The following NCAM1 variants were observed in gnomAD, a reference collection of about 807,000 sequenced individuals.
NCAM1 encodes antigen recognized by monoclonal antibody 5.1H11.
A neutral mutation model predicts 109.8 loss-of-function variants in NCAM1; 14 were observed. The observed-to-expected ratio is 0.13, with a 90% CI of 0.08 to 0.20. The LOEUF (loss-of-function observed/expected upper bound fraction) is 0.20, where lower values mean the gene tolerates loss of function less well. Ranked by LOEUF, NCAM1 falls within the 10% of genes least tolerant of loss-of-function variation. The probability of loss-of-function intolerance (pLI) is 1.00; values close to 1 mark genes in which losing one functional copy is unlikely to be tolerated. For synonymous variants in NCAM1, 418 were observed against 442.9 expected (o/e 0.94, Z 0.70); for missense variants, 774 against 1,109.9 (o/e 0.70, Z 4.30).
chr11:113,275,613 T>C lies in NCAM1; in HGVS notation c.*226T>C. The C allele has an allele frequency of 2.2e-6, 1 of 459,492 alleles. No individual in the cohort carries two copies. 28.5% of individuals were successfully genotyped at this position (459,492 alleles called of 1,614,324 possible). On this transcript the variant is annotated 3_prime_UTR_variant, in exon 20 of 20. Coordinates refer to ENST00000316851, the MANE Select transcript of NCAM1 (RefSeq NM_181351.5). ...TAGAAAGGGTCCCTTTGTTGCACACTCACTTGTAAGAAAATGAGACAAAAA... is the reference window on the plus strand; with the variant it reads ...TAGAAAGGGTCCCTTTGTTGCACACCCACTTGTAAGAAAATGAGACAAAAA...
At chr11:112,981,155 C>T (rs1951145154) in intron 1 of NCAM1, among the ~76,000 whole-genome samples, 1 of 151,826 alleles carries the variant, frequency 6.6e-6, no homozygotes, top group Non-Finnish European at 1.5e-5. Context: ...TCAATCTCTT[C>T]TCCTCATCTC....
chr11:113,063,976 A>C (rs1555083826), intron 1 of NCAM1, among the ~76,000 whole-genome samples: 28 of 152,214 alleles, frequency 1.8e-4, no homozygotes, highest in Non-Finnish European at 1.5e-5. Context: ...TTTCTTTGCC[A>C]AATGTAGTCA....
At chr11:113,166,182 G>A (rs1942791234) in intron 1 of NCAM1, among the ~76,000 whole-genome samples, 1 of 152,030 alleles carries the variant, frequency 6.6e-6, no homozygotes, top group Non-Finnish European at 1.5e-5. Flanking sequence ...CCTTCTCCCT[G>A]GGAAATGTGA....
chr11:112,983,985 T>C (rs1015920703), intron 1 of NCAM1, among the ~76,000 whole-genome samples: 3 of 151,908 alleles, frequency 2.0e-5, no homozygotes, highest in Non-Finnish European at 1.5e-5. Flanking sequence ...CATGTGGTGC[T>C]TTAGGTCTCT....
At chr11:113,109,053 A>G (rs547043289) in intron 1 of NCAM1, among the ~76,000 whole-genome samples, 13 of 147,848 alleles carry the variant, frequency 8.8e-5, no homozygotes, top group Admixed American at 7.4e-4. Flanking sequence ...CAAGGTTTTA[A>G]GAGGAGTGAG....
chr11:113,137,160 G>T (rs1165703369), intron 1 of NCAM1, among the ~76,000 whole-genome samples: 1 of 152,230 alleles, frequency 6.6e-6, no homozygotes, highest in African/African-American at 2.4e-5. Flanking sequence ...TTTAAAAGGA[G>T]GTGGGAGCAG....
chr11:113,117,566 A>G, intron 1 of NCAM1, among the ~76,000 whole-genome samples: 1 of 152,046 alleles, frequency 6.6e-6, no homozygotes, highest in East Asian at 1.9e-4. Flanking sequence ...GTGACCATCC[A>G]GAAATGTCTT....
intron 1 of NCAM1, among the ~76,000 whole-genome samples, chr11:113,104,127 G>T (rs1051191824): frequency 6.9e-6 from 1 of 145,548 alleles, no homozygotes; most frequent in Non-Finnish European, 1.5e-5. Flanking sequence ...TTTGGGTTTT[G>T]TGGCTTTGCA....
intron 1 of NCAM1, among the ~76,000 whole-genome samples, chr11:113,000,794 G>A (rs1555072259): frequency 7.2e-6 from 1 of 139,822 alleles, no homozygotes; most frequent in Non-Finnish European, 1.5e-5. Flanking sequence ...GGCATTTGGA[G>A]GCAACCTATA....
chr11:113,023,637 C>T (rs185012190), intron 1 of NCAM1, among the ~76,000 whole-genome samples: 138 of 152,208 alleles, frequency 9.1e-4, no homozygotes, highest in African/African-American at 3.1e-3. Context: ...TTTAGGGTCC[C>T]GTTTTCCTCT....
At chr11:113,105,813 T>A (rs1319649227) in intron 1 of NCAM1, among the ~76,000 whole-genome samples, 1 of 152,086 alleles carries the variant, frequency 6.6e-6, no homozygotes, top group East Asian at 1.9e-4. Flanking sequence ...ATGATGAAAA[T>A]GTTCTAAAAT....
intron 1 of NCAM1, among the ~76,000 whole-genome samples, chr11:113,046,327 G>A (rs1953265077): frequency 6.6e-6 from 1 of 152,156 alleles, no homozygotes; most frequent in South Asian, 2.1e-4. Flanking sequence ...GAGGAGGGTG[G>A]GCTTTGAACA....
chr11:113,168,342 G>T (rs782532296), intron 1 of NCAM1, among the ~76,000 whole-genome samples: 1 of 152,160 alleles, frequency 6.6e-6, no homozygotes, highest in Admixed American at 6.5e-5. Flanking sequence ...TTGTGAACAC[G>T]GCTTTGGAAT....
chr11:113,177,245 C>G (rs984442214), intron 1 of NCAM1, among the ~76,000 whole-genome samples: 25 of 152,122 alleles, frequency 1.6e-4, no homozygotes, highest in African/African-American at 6.0e-4. Context: ...AGCTGCTGAC[C>G]ACATGAGTGG....
In NCAM1 at chr11:113,274,669, G is replaced by A. The variant is rs1946367034; in HGVS notation, c.2457-598G>A. Among the ~76,000 whole-genome samples the A allele has an allele frequency of 6.6e-6, 1 of 152,146 alleles. No individual in the cohort carries two copies. The highest frequency in any genetic ancestry group is 2.4e-5 in the African/African-American group (1 of 41,428). ...TCGCATAGCCACCAGGCCCACTCTAGTACCCCACCAGGCTGCCATGAAAAG... is the reference window on the plus strand; with the variant it reads ...TCGCATAGCCACCAGGCCCACTCTAATACCCCACCAGGCTGCCATGAAAAG... On this transcript the variant is annotated intron_variant, in intron 19 of 19. Coordinates refer to ENST00000316851, the MANE Select transcript of NCAM1 (RefSeq NM_181351.5). The surrounding 1 kb of genome is among the most constrained non-coding windows in gnomAD (Gnocchi z 4.1).
chr11:113,264,444 C>T (rs189715827), intron 17 of NCAM1: 2 of 985,548 alleles, frequency 2.0e-6, no homozygotes, highest in East Asian at 2.3e-4. Context: ...GCCTCTCAAC[C>T]CAGCCACAAA....
chr11:113,265,255 C>T (rs1946114171), intron 17 of NCAM1: 5 of 739,466 alleles, frequency 6.8e-6, no homozygotes, highest in Admixed American at 6.3e-5. Context: ...AGCAAAGACC[C>T]TTTCCCTCCG....
chr11:113,079,394 T>C (rs1204774054), intron 1 of NCAM1, among the ~76,000 whole-genome samples: 5 of 152,160 alleles, frequency 3.3e-5, no homozygotes, highest in African/African-American at 1.2e-4. Context: ...CCCCAGCACC[T>C]CCTCTATACC....
At chr11:113,173,593 T>G (rs1463025375) in intron 1 of NCAM1, among the ~76,000 whole-genome samples, 1 of 2,424 alleles carries the variant, frequency 4.1e-4, no homozygotes, top group Non-Finnish European at 7.2e-4. Context: ...TGTTACCTGA[T>G]ATATATATAT....
Sources: allele counts gnomAD v4.1 joint callset (sites outside exome capture counted in the v4.1 genomes callset), GRCh38; gene constraint gnomAD v4.1.1; non-coding constraint Gnocchi (gnomAD v3.1); transcripts MANE v1.5; gene names NCBI Gene and HGNC (gene_info 2026-07-23, HGNC 2026-07-21).